Variants in TUSC3 observed in about 807,000 individuals in gnomAD.
The protein encoded by TUSC3 is tumor suppressor candidate 3, also known as dolichyl-diphosphooligosaccharide--protein glycosyltransferase subunit TUSC3.
A neutral mutation model predicts 44.8 loss-of-function variants in TUSC3; 45 were observed. The observed-to-expected ratio is 1.00, with a 90% CI of 0.79 to 1.29. The LOEUF (loss-of-function observed/expected upper bound fraction) is 1.29. Among genes scored for constraint, TUSC3 ranks in the 50% most tolerant of loss-of-function variants. The pLI is 0.00. For missense variants in TUSC3, 519 were observed against 437.9 expected, an observed-to-expected ratio of 1.19 and a Z score of -1.65; for synonymous variants, 212 against 152.9, an observed-to-expected ratio of 1.39 and a Z score of -2.85.
chr8:15,604,131 A>G (rs1376060947), intron 1 of TUSC3, among the ~76,000 whole-genome samples: 1 of 151,734 alleles, frequency 6.6e-6, no homozygotes, highest in African/African-American at 2.4e-5. Flanking sequence ...TTGAATTAAA[A>G]GTTTCAGTAT....
At chr8:15,735,053 GTCT>G (rs544650748) in intron 7 of TUSC3, among the ~76,000 whole-genome samples, 89 of 152,294 alleles carry the variant, frequency 5.8e-4, no homozygotes, top group African/African-American at 2.0e-3. Context: ...AGCCCCGCAT[GTCT>G]TCTTGATAAA....
chr8:15,788,192 T>G, the TUSC3 span, among the ~76,000 whole-genome samples: 1 of 152,202 alleles, frequency 6.6e-6, no homozygotes, highest in Admixed American at 6.5e-5. Context: ...CCTTGACCAC[T>G]AATTAAACTA....
intron 1 of TUSC3, among the ~76,000 whole-genome samples, chr8:15,420,446 C>G (rs906831255): frequency 1.3e-5 from 2 of 151,714 alleles, no homozygotes; most frequent in South Asian, 2.1e-4. Context: ...TACAGTGAGC[C>G]GAGATCATGC....
chr8:15,448,861 T>C (rs1488883063), intron 1 of TUSC3, among the ~76,000 whole-genome samples: 1 of 152,190 alleles, frequency 6.6e-6, no homozygotes, highest in African/African-American at 2.4e-5. Context: ...TCTCATAAGA[T>C]CATAGTAGAG....
intron 1 of TUSC3, among the ~76,000 whole-genome samples, chr8:15,455,393 A>G (rs1211733658): frequency 6.6e-5 from 10 of 151,968 alleles, no homozygotes; most frequent in Admixed American, 6.6e-4. Context: ...ATGTGTGTGT[A>G]TATTTATGTA....
chr8:15,777,700 CAG>C, the TUSC3 span, among the ~76,000 whole-genome samples: 1 of 152,064 alleles, frequency 6.6e-6, no homozygotes, highest in Non-Finnish European at 1.5e-5. Flanking sequence ...GTCTAAGACA[CAG>C]AGAGGCAAAG....
chr8:15,848,892 T>C, the TUSC3 span, among the ~76,000 whole-genome samples: 1 of 152,238 alleles, frequency 6.6e-6, no homozygotes, highest in Non-Finnish European at 1.5e-5. Flanking sequence ...ACTAATCTAG[T>C]GCTTAATCGC....
chr8:15,830,604 T>C, the TUSC3 span, among the ~76,000 whole-genome samples: 27 of 152,328 alleles, frequency 1.8e-4, no homozygotes, highest in Admixed American at 3.3e-4. Flanking sequence ...TTCTGTCTTA[T>C]GTAGCAACAC....
intron 6 of TUSC3, among the ~76,000 whole-genome samples, chr8:15,693,465 T>TA (rs1554476399): frequency 7.7e-5 from 11 of 143,388 alleles, no homozygotes; most frequent in Non-Finnish European, 1.5e-4. Context: ...TTTTTTTTTT[T>TA]AAAGAATGCT....
At chr8:15,768,157 CTT>C (rs61660683), downstream of TUSC3, among the ~76,000 whole-genome samples, 4 of 150,950 alleles carry the variant, frequency 2.6e-5, no homozygotes, top group African/African-American at 7.3e-5. Context: ...TTCTTTTTAT[CTT>C]TTTTTTTTCT....
chr8:15,746,033 C>CTTGT (rs1811400369), intron 8 of TUSC3, among the ~76,000 whole-genome samples: 1 of 152,048 alleles, frequency 6.6e-6, no homozygotes, highest in Admixed American at 6.6e-5. Flanking sequence ...CTCCCCATTG[C>CTTGT]TTGTTTTTGT....
At chr8:15,573,915 A>G (rs947622114) in intron 1 of TUSC3, among the ~76,000 whole-genome samples, 3 of 152,034 alleles carry the variant, frequency 2.0e-5, no homozygotes, top group Non-Finnish European at 2.9e-5. Flanking sequence ...GGAGGGGGAG[A>G]GAATATTATC....
chr8:15,658,662 A>G lies in TUSC3; in HGVS notation c.427-845A>G, dbSNP rs990395343. On this transcript the variant is annotated intron_variant, in intron 3 of 10. Transcript: ENST00000503731. ...TATACACACACACACACACACACAA[A>G]TACAATATATATACACATACAATAT... Among the ~76,000 whole-genome samples the G allele has an allele frequency of 4.4e-4, 67 of 151,376 alleles. 1 individual carries two copies. The highest frequency in any genetic ancestry group is 1.5e-4 in the Non-Finnish European group (10 of 67,810).
At chr8:15,777,465 C>G in the TUSC3 span, among the ~76,000 whole-genome samples, 3 of 152,246 alleles carry the variant, frequency 2.0e-5, no homozygotes, top group East Asian at 5.8e-4. Context: ...CCCATGTATG[C>G]TGCTTAAATA....
chr8:15,525,540 A>G (rs1801361776), intron 2 of TUSC3, among the ~76,000 whole-genome samples: 1 of 152,236 alleles, frequency 6.6e-6, no homozygotes, highest in Admixed American at 6.5e-5. Flanking sequence ...CACATAAACA[A>G]AAGCTCTTTG....
At chr8:15,616,199 G>T (rs958279143) in intron 1 of TUSC3, among the ~76,000 whole-genome samples, 1 of 151,916 alleles carries the variant, frequency 6.6e-6, no homozygotes, top group Non-Finnish European at 1.5e-5. Flanking sequence ...TTTTCAATAG[G>T]GACTAATTTC....
chr8:15,566,027 A>G (rs1030468721), intron 1 of TUSC3, among the ~76,000 whole-genome samples: 1 of 152,126 alleles, frequency 6.6e-6, no homozygotes, highest in Admixed American at 6.5e-5. Flanking sequence ...GTATTTAAAC[A>G]CACCTGATTC....
chr8:15,662,100 C>T (rs920233015), intron 4 of TUSC3, 56 bp from the exon 5 acceptor site: 2 of 1,598,808 alleles, frequency 1.3e-6, no homozygotes, highest in African/African-American at 1.3e-5. Context: ...AGAATATGAT[C>T]AAAAGAAAAA....
At chr8:15,475,396 C>G (rs1398849188) in intron 1 of TUSC3, among the ~76,000 whole-genome samples, 1 of 152,110 alleles carries the variant, frequency 6.6e-6, no homozygotes, top group Non-Finnish European at 1.5e-5. Context: ...TATTAGAGAT[C>G]TTTTTAAGTA....
Sources: allele counts gnomAD v4.1 joint callset (sites outside exome capture counted in the v4.1 genomes callset), GRCh38; gene constraint gnomAD v4.1.1; transcripts MANE v1.5; gene names NCBI Gene and HGNC (gene_info 2026-07-23, HGNC 2026-07-21).